HESX1: variants seen among roughly 807,000 people sequenced by gnomAD.
HESX1 encodes the protein HESX homeobox 1, also known as homeobox expressed in ES cells 1.
HESX1 carries 11 observed loss-of-function variants against 22.5 expected under a neutral mutation model. That is an observed-to-expected ratio of 0.49 (90% CI 0.31 to 0.81). The LOEUF (loss-of-function observed/expected upper bound fraction) is 0.81. HESX1 is among the 30% of genes least tolerant of loss of function. The pLI is 0.05. For missense variants in HESX1, 201 were observed against 212.6 expected, an observed-to-expected ratio of 0.95 and a Z score of 0.34; for synonymous variants, 74 against 76.5, an observed-to-expected ratio of 0.97 and a Z score of 0.17.
chr3:57,222,904 A>C (rs2060622898), intron 1 of HESX1, among the ~76,000 whole-genome samples: 1 of 152,198 alleles, frequency 6.6e-6, no homozygotes, highest in Admixed American at 6.5e-5. Context: ...CTCTAAGGTA[A>C]TGAGCCCAAT....
At chr3:57,208,550 G>A (rs1210731666) in intron 1 of HESX1, among the ~76,000 whole-genome samples, 10 of 151,698 alleles carry the variant, frequency 6.6e-5, no homozygotes, top group African/African-American at 2.2e-4. Context: ...AGGTTTCACC[G>A]TATAGGCCAG....
chr3:57,213,200 C>G (rs141066666), intron 1 of HESX1, among the ~76,000 whole-genome samples: 3,639 of 152,228 alleles, frequency 0.024, 67 homozygotes, highest in South Asian at 0.04. Flanking sequence ...TTTTACTATA[C>G]CATTTTGGCA....
intron 1 of HESX1, among the ~76,000 whole-genome samples, 179 bp downstream of exon 1, chr3:57,199,583 C>A: frequency 6.6e-6 from 1 of 150,694 alleles, no homozygotes; most frequent in South Asian, 2.1e-4. Flanking sequence ...TATGCCATTG[C>A]ACTCCAGTCT....
chr3:57,203,687 T>G (rs1003852876), upstream of HESX1, among the ~76,000 whole-genome samples: 30 of 152,156 alleles, frequency 2.0e-4, no homozygotes, highest in Admixed American at 2.6e-4. Context: ...CCCGAGTAGC[T>G]GGGACTACAG....
chr3:57,201,296 C>A (rs183234792), upstream of HESX1, among the ~76,000 whole-genome samples: 18 of 152,176 alleles, frequency 1.2e-4, no homozygotes, highest in Admixed American at 8.5e-4. Flanking sequence ...CGTGTAAAAC[C>A]ATTCTGCGGA....
At chr3:57,219,102 T>G (rs938022750) in intron 1 of HESX1, among the ~76,000 whole-genome samples, 8 of 152,218 alleles carry the variant, frequency 5.3e-5, no homozygotes, top group Non-Finnish European at 1.2e-4. Flanking sequence ...TTTTTAATAG[T>G]AGCTATTCTG....
chr3:57,206,665 C>T (rs1245246137), intron 1 of HESX1, among the ~76,000 whole-genome samples: 2 of 152,304 alleles, frequency 1.3e-5, no homozygotes, highest in Middle Eastern at 3.4e-3. Flanking sequence ...ATAACTTTAG[C>T]ATCAAAAACC....
intron 1 of HESX1, among the ~76,000 whole-genome samples, chr3:57,205,957 G>A (rs2060517576): frequency 2.0e-5 from 3 of 152,132 alleles, no homozygotes; most frequent in Admixed American, 6.5e-5. Context: ...TTGGGAGGCC[G>A]AGGTGGGCGG....
At position 57,220,220 on chromosome 3, in the gene HESX1, C is replaced by T. The variant is rs903134629; in HGVS notation, c.-111+6076G>A. Among the ~76,000 whole-genome samples the T allele has an allele frequency of 1.1e-4, 16 of 152,218 alleles. 1 individual carries two copies. In the South Asian group the frequency reaches 3.3e-3, roughly 32 times the overall value. On this transcript the variant is annotated intron_variant, in intron 1 of 2. Transcript: ENST00000495160. ...TATGTACCTATTTTTGTACCAATAC[C>T]ATGCTGTTTTGGTTACTGTAGCCCT... is the stretch of plus-strand genomic sequence containing the variant.
upstream of HESX1, among the ~76,000 whole-genome samples, chr3:57,202,717 G>A (rs948051793): frequency 1.4e-4 from 22 of 152,198 alleles, no homozygotes; most frequent in Admixed American, 7.2e-4. Context: ...AACAAAACAT[G>A]CTAATTTCAT....
chr3:57,221,593 C>T (rs1165681710), intron 1 of HESX1, among the ~76,000 whole-genome samples: 1 of 152,034 alleles, frequency 6.6e-6, no homozygotes, highest in African/African-American at 2.4e-5. Context: ...CTGTAATATG[C>T]TATACTTCTT....
At chr3:57,199,657 T>C (rs1281800162) in intron 1 of HESX1, 105 bp downstream of exon 1, 1 of 645,964 alleles carries the variant, frequency 1.5e-6, no homozygotes, top group African/African-American at 2.5e-5. Flanking sequence ...AATAATAAAT[T>C]AAATTAAAGT....
upstream of HESX1, among the ~76,000 whole-genome samples, chr3:57,203,291 T>C (rs1003967383): frequency 6.6e-6 from 1 of 151,944 alleles, no homozygotes; most frequent in Non-Finnish European, 1.5e-5. Context: ...ACAAAGACAA[T>C]TGTTTAGCGG....
At position 57,205,933 on chromosome 3, in the gene HESX1, G is replaced by A. The variant is rs375306029; in HGVS notation, c.-110-5905C>T. The stretch of plus-strand genomic sequence containing the variant: ...GGGCTAGGCGCAGTGGCTCACACTT[G>A]TAATCCCAGCACTTTGGGAGGCCGA... On this transcript the variant is annotated intron_variant, in intron 1 of 2. Transcript: ENST00000495160. Among the ~76,000 whole-genome samples the A allele has an allele frequency of 4.1e-4, 62 of 152,240 alleles. 3 individuals carry two copies. In the South Asian group the frequency reaches 0.013, roughly 32 times the overall value.
chr3:57,201,444 T>C (rs1446239647), upstream of HESX1, among the ~76,000 whole-genome samples: 4 of 152,018 alleles, frequency 2.6e-5, no homozygotes, highest in African/African-American at 4.8e-5. Context: ...TTCAGCTTTC[T>C]TTCTCTCCTT....
At chr3:57,225,881 C>CTTTTTTTTTT (rs540522007) in intron 1 of HESX1, among the ~76,000 whole-genome samples, 17 of 132,090 alleles carry the variant, frequency 1.3e-4, no homozygotes, top group East Asian at 4.3e-4. Context: ...CTTTTCTTTT[C>CTTTTTTTTTT]TTTTTTTTTT....
intron 1 of HESX1, among the ~76,000 whole-genome samples, chr3:57,215,789 C>T (rs769860731): frequency 2.0e-5 from 3 of 151,860 alleles, no homozygotes; most frequent in Non-Finnish European, 4.4e-5. Flanking sequence ...AACAAACAAA[C>T]AAAAAAACCA....
intron 1 of HESX1, among the ~76,000 whole-genome samples, chr3:57,213,880 C>T (rs2060570241): frequency 6.6e-6 from 1 of 152,172 alleles, no homozygotes; most frequent in Admixed American, 6.5e-5. Flanking sequence ...GAGATCGTGC[C>T]ACTGTACTCC....
intron 1 of HESX1, among the ~76,000 whole-genome samples, chr3:57,210,118 T>C (rs1342688661): frequency 6.6e-6 from 1 of 152,196 alleles, no homozygotes; most frequent in East Asian, 1.9e-4. Context: ...AGAAAAAAAC[T>C]GTGAAAACTT....
Sources: gnomAD v4.1 joint callset for allele counts (sites outside exome capture counted in the v4.1 genomes callset) on GRCh38, gnomAD v4.1.1 for gene constraint, MANE v1.5 for transcripts, NCBI Gene and HGNC (gene_info 2026-07-23, HGNC 2026-07-21) for gene names.